The following STARD13 variants were observed in gnomAD, a reference collection of about 807,000 sequenced individuals.
STARD13 encodes the protein stAR-related lipid transfer protein 13.
In STARD13, 62 loss-of-function variants were observed where a neutral mutation model predicts 106.4. The ratio of observed to expected loss-of-function variants is 0.58; its 90% CI spans 0.48 to 0.72. STARD13 has a LOEUF of 0.72. STARD13 is among the 30% of genes least tolerant of loss of function. STARD13 has a pLI of 0.00. For missense variants in STARD13, 1,387 were observed against 1,424.0 expected (o/e 0.97, Z 0.42); for synonymous variants, 565 against 553.0 (o/e 1.02, Z -0.31).
the STARD13 span, among the ~76,000 whole-genome samples, chr13:33,383,102 A>G: frequency 2.6e-5 from 4 of 152,308 alleles, no homozygotes; most frequent in South Asian, 8.3e-4. Flanking sequence ...AACTTTCAAA[A>G]TTTATTTAGA....
At chr13:33,175,199 C>T (rs914403180) in intron 1 of STARD13, among the ~76,000 whole-genome samples, 1 of 152,146 alleles carries the variant, frequency 6.6e-6, no homozygotes, top group South Asian at 2.1e-4. Flanking sequence ...TTATTCTCCT[C>T]TTTCATTTGA....
chr13:33,668,662 G>T, the STARD13 span, among the ~76,000 whole-genome samples: 1 of 152,190 alleles, frequency 6.6e-6, no homozygotes, highest in South Asian at 2.1e-4. Context: ...GTGAGAAGAT[G>T]AGTGAAAGAT....
At chr13:33,406,905 G>A in the STARD13 span, among the ~76,000 whole-genome samples, 2 of 152,238 alleles carry the variant, frequency 1.3e-5, no homozygotes, top group African/African-American at 4.8e-5. Context: ...AAAGCATACC[G>A]AGTGCTGATG....
intron 1 of STARD13, among the ~76,000 whole-genome samples, chr13:33,328,695 T>C (rs2077803619): frequency 6.6e-6 from 1 of 152,212 alleles, no homozygotes; most frequent in South Asian, 2.1e-4. Context: ...AGTATTAATA[T>C]TTCCCACATG....
chr13:33,508,858 C>A, the STARD13 span, among the ~76,000 whole-genome samples: 1 of 152,152 alleles, frequency 6.6e-6, no homozygotes, highest in Non-Finnish European at 1.5e-5. Flanking sequence ...GATGGTATAG[C>A]CTATCACACA....
At chr13:33,550,184 A>T in the STARD13 span, among the ~76,000 whole-genome samples, 2 of 152,178 alleles carry the variant, frequency 1.3e-5, no homozygotes, top group Non-Finnish European at 2.9e-5. Flanking sequence ...TTCAGTCTAG[A>T]TTCCCTACAG....
At chr13:33,569,989 C>T in the STARD13 span, among the ~76,000 whole-genome samples, 2 of 147,126 alleles carry the variant, frequency 1.4e-5, no homozygotes, top group South Asian at 4.3e-4. Context: ...GTGACAGGTG[C>T]ACTAAAATCT....
intron 1 of STARD13, among the ~76,000 whole-genome samples, chr13:33,220,499 T>C (rs1888296379): frequency 6.6e-6 from 1 of 152,082 alleles, no homozygotes; most frequent in Non-Finnish European, 1.5e-5. Flanking sequence ...GAGACCAGCC[T>C]GGCCAACATA....
chr13:33,332,670 C>A (rs1348995743), intron 1 of STARD13, among the ~76,000 whole-genome samples: 1 of 152,220 alleles, frequency 6.6e-6, no homozygotes, highest in Non-Finnish European at 1.5e-5. Flanking sequence ...GCAGCCCACA[C>A]CACCTGAGAC....
the STARD13 span, among the ~76,000 whole-genome samples, chr13:33,657,771 G>A: frequency 3.3e-5 from 5 of 152,144 alleles, no homozygotes; most frequent in African/African-American, 7.2e-5. Flanking sequence ...CCCAATCAAT[G>A]TGAAGGCTTT....
chr13:33,352,160 C>T (rs1007493800), upstream of STARD13, among the ~76,000 whole-genome samples: 2 of 152,140 alleles, frequency 1.3e-5, no homozygotes, highest in Non-Finnish European at 2.9e-5. Flanking sequence ...CTGTGACAGC[C>T]GGTTATATAG....
chr13:33,625,091 G>C, the STARD13 span, among the ~76,000 whole-genome samples: 1 of 152,240 alleles, frequency 6.6e-6, no homozygotes, highest in Non-Finnish European at 1.5e-5. Context: ...GGGCAGAGCA[G>C]AGCCTTTTCT....
intron 2 of STARD13, among the ~76,000 whole-genome samples, chr13:33,167,015 C>CAAA (rs1010175989): frequency 1.7e-4 from 24 of 139,278 alleles, no homozygotes; most frequent in Middle Eastern, 3.7e-3. Context: ...AAAAAAAAAC[C>CAAA]AAAAAAAAAT....
the STARD13 span, among the ~76,000 whole-genome samples, chr13:33,361,636 G>T: frequency 3.8e-4 from 58 of 152,216 alleles, no homozygotes; most frequent in Non-Finnish European, 7.8e-4. Flanking sequence ...TGGCTGGGAG[G>T]CCTCAGGGAA....
the STARD13 span, among the ~76,000 whole-genome samples, chr13:33,552,581 A>C: frequency 6.6e-6 from 1 of 152,344 alleles, no homozygotes. Flanking sequence ...TACTTAAACT[A>C]TAAATTTTAT....
intron 1 of STARD13, among the ~76,000 whole-genome samples, chr13:33,342,132 T>C (rs1370025003): frequency 6.6e-6 from 1 of 152,190 alleles, no homozygotes; most frequent in Non-Finnish European, 1.5e-5. Flanking sequence ...TATCTATTTA[T>C]ATGCTCTGAA....
At chr13:33,521,944 G>C in the STARD13 span, among the ~76,000 whole-genome samples, 2 of 152,160 alleles carry the variant, frequency 1.3e-5, no homozygotes, top group Admixed American at 6.5e-5. Context: ...AGAGGCAATA[G>C]ACAATGAGTT....
chr13:33,350,650 TC>T (rs1162109960), upstream of STARD13: 1 of 1,278,028 alleles, frequency 7.8e-7, no homozygotes, highest in Non-Finnish European at 9.9e-7. Context: ...GCTCGCCAAC[TC>T]CTCTACTCCT....
chr13:33,250,260 G>A (rs182229373), intron 1 of STARD13, among the ~76,000 whole-genome samples: 2 of 152,276 alleles, frequency 1.3e-5, no homozygotes, highest in Non-Finnish European at 2.9e-5. Flanking sequence ...AGTTACTTTG[G>A]GGGGCCAATT....
Sources: allele counts gnomAD v4.1 joint callset (sites outside exome capture counted in the v4.1 genomes callset), GRCh38; gene constraint gnomAD v4.1.1; transcripts MANE v1.5; gene names NCBI Gene and HGNC (gene_info 2026-07-23, HGNC 2026-07-21).